The following DIS3L2 variants were observed in gnomAD, a reference collection of about 807,000 sequenced individuals.
DIS3L2 encodes DIS3-like exonuclease 2.
Under a neutral mutation model 97.5 loss-of-function variants are expected in DIS3L2, and 34 were observed. That is an observed-to-expected ratio of 0.35 (90% CI 0.27 to 0.46). The LOEUF (loss-of-function observed/expected upper bound fraction) is 0.46. Ranked by LOEUF, DIS3L2 falls within the 20% of genes least tolerant of loss-of-function variation. The pLI, the probability that DIS3L2 is intolerant of heterozygous loss-of-function variation, is 1.00. For missense variants in DIS3L2, 1,038 were observed against 1,146.0 expected, an observed-to-expected ratio of 0.91 and a Z score of 1.36; for synonymous variants, 435 against 445.2, an observed-to-expected ratio of 0.98 and a Z score of 0.29.
chr2:232,112,902 G>A (rs911493351), intron 6 of DIS3L2, among the ~76,000 whole-genome samples: 3 of 152,136 alleles, frequency 2.0e-5, no homozygotes, highest in Admixed American at 6.6e-5. Flanking sequence ...GAAAGAGGAT[G>A]AAGAATATTC....
At chr2:232,098,632 G>T (rs1697101435) in intron 6 of DIS3L2, among the ~76,000 whole-genome samples, 1 of 152,090 alleles carries the variant, frequency 6.6e-6, no homozygotes, top group Admixed American at 6.5e-5. Flanking sequence ...GGGATTACAG[G>T]TGTGAGTCAC....
intron 5 of DIS3L2, among the ~76,000 whole-genome samples, chr2:232,043,127 GGA>G (rs1206519057): frequency 6.6e-6 from 1 of 152,158 alleles, no homozygotes; most frequent in East Asian, 1.9e-4. Flanking sequence ...GTTATATTCT[GGA>G]ATGATGTGGT....
chr2:232,336,372 G>C (rs1443917111), intron 20 of DIS3L2, 97 bp from the exon 21 acceptor site: 2 of 1,549,222 alleles, frequency 1.3e-6, no homozygotes, highest in Non-Finnish European at 1.7e-6. Context: ...AGAGGCCGAA[G>C]GAGGGGCCAG....
intron 14 of DIS3L2, among the ~76,000 whole-genome samples, chr2:232,302,333 A>G (rs1694878479): frequency 6.6e-6 from 1 of 151,942 alleles, no homozygotes; most frequent in South Asian, 2.1e-4. Context: ...ACATGTATAC[A>G]TATGTAACAA....
At position 232,087,704 on chromosome 2, in the gene DIS3L2, T is replaced by C. The variant is rs1696706340; in HGVS notation, c.584T>C (p.Val195Ala). The C allele has an allele frequency of 1.9e-6, 3 of 1,613,932 alleles. No homozygotes were observed. The highest frequency in any genetic ancestry group is 2.5e-6 in the Non-Finnish European group (3 of 1,179,874). The change falls in exon 6 of 21, where the codon GTT becomes GCT. Residue 195 changes from valine (V) to alanine (A), a missense_variant. Coordinates refer to ENST00000325385, the MANE Select transcript of DIS3L2 (RefSeq NM_152383.5). ...GTTGATGGTGTTAAGAAACTCTCAG[T>C]TTGTGTTTCTGAGAAAGGTGAGTAC... is the stretch of plus-strand genomic sequence containing the variant. ...VLVDGVKKLS[V>A]CVSEKGREDG...
downstream of DIS3L2, among the ~76,000 whole-genome samples, chr2:232,340,201 C>T (rs963083107): frequency 6.6e-6 from 1 of 152,178 alleles, no homozygotes; most frequent in Non-Finnish European, 1.5e-5. Context: ...GAGGAGCAAA[C>T]AGCACTTTTG....
chr2:232,221,168 A>C (rs1026496660), intron 10 of DIS3L2, among the ~76,000 whole-genome samples: 5 of 152,062 alleles, frequency 3.3e-5, no homozygotes, highest in African/African-American at 1.2e-4. Context: ...GGGAGGTTAA[A>C]TTGGTATATG....
intron 13 of DIS3L2, chr2:232,343,174 G>C: frequency 1.5e-6 from 1 of 656,906 alleles, no homozygotes; most frequent in Non-Finnish European, 2.7e-6. Flanking sequence ...CTGTTGACTA[G>C]CTGCAGGCAA....
intron 5 of DIS3L2, among the ~76,000 whole-genome samples, chr2:232,065,915 A>T (rs1275181694): frequency 6.6e-6 from 1 of 151,478 alleles, no homozygotes; most frequent in Non-Finnish European, 1.5e-5. Flanking sequence ...CATGTTTTTG[A>T]TACTATGATA....
intron 8 of DIS3L2, among the ~76,000 whole-genome samples, chr2:232,142,689 T>A (rs1168924953): frequency 6.6e-6 from 1 of 152,200 alleles, no homozygotes; most frequent in Admixed American, 6.5e-5. Flanking sequence ...TCCCTATTCC[T>A]TAAGTGCTAC....
downstream of DIS3L2, chr2:232,337,219 C>T (rs77917783): frequency 1.7e-3 from 1,550 of 900,850 alleles, 22 homozygotes; most frequent in African/African-American, 0.048. Context: ...ATCACCCTGA[C>T]GAATGTGACT....
chr2:232,026,277 A>G (rs1455750562), intron 4 of DIS3L2, among the ~76,000 whole-genome samples: 1 of 152,122 alleles, frequency 6.6e-6, no homozygotes, highest in African/African-American at 2.4e-5. Context: ...AGGAATAGAC[A>G]AAGTCTATTC....
intron 13 of DIS3L2, among the ~76,000 whole-genome samples, chr2:232,272,445 A>G (rs1043330458): frequency 6.6e-6 from 1 of 152,152 alleles, no homozygotes; most frequent in Non-Finnish European, 1.5e-5. Flanking sequence ...ATTTGGTGGG[A>G]TGGGATTAGG....
At chr2:232,266,913 G>T (rs578171220) in intron 13 of DIS3L2, among the ~76,000 whole-genome samples, 1 of 152,166 alleles carries the variant, frequency 6.6e-6, no homozygotes, top group Non-Finnish European at 1.5e-5. Flanking sequence ...CAGAATAAGC[G>T]TGTAAACCAC....
intron 8 of DIS3L2, among the ~76,000 whole-genome samples, chr2:232,144,875 G>T (rs1196729305): frequency 6.6e-6 from 1 of 152,140 alleles, no homozygotes; most frequent in Non-Finnish European, 1.5e-5. Flanking sequence ...CTCATGATTA[G>T]ATCAAGATTA....
At chr2:232,291,335 T>G (rs934352832) in intron 13 of DIS3L2, among the ~76,000 whole-genome samples, 1 of 152,248 alleles carries the variant, frequency 6.6e-6, no homozygotes, top group South Asian at 2.1e-4. Context: ...CTAATCAGAT[T>G]TTTCTATTAA....
At chr2:232,286,370 G>A (rs115024752) in intron 13 of DIS3L2, among the ~76,000 whole-genome samples, 2,069 of 151,986 alleles carry the variant, frequency 0.014, 26 homozygotes, top group Middle Eastern at 0.024. Context: ...AGGCTTTGAA[G>A]CATTGTATCT....
chr2:232,336,202 T>C, intron 20 of DIS3L2: 2 of 1,534,476 alleles, frequency 1.3e-6, no homozygotes, highest in Non-Finnish European at 1.8e-6. Flanking sequence ...CTGGAACCGT[T>C]TTCACCAACA....
chr2:232,008,900 AT>A (rs796299180), intron 1 of DIS3L2, among the ~76,000 whole-genome samples: 5 of 152,252 alleles, frequency 3.3e-5, no homozygotes, highest in African/African-American at 1.2e-4. Context: ...TTAAAAGAAA[AT>A]TTCCTTGTTC....
Sources: allele counts gnomAD v4.1 joint callset (sites outside exome capture counted in the v4.1 genomes callset), GRCh38; gene constraint gnomAD v4.1.1; transcripts MANE v1.5; gene names NCBI Gene and HGNC (gene_info 2026-07-23, HGNC 2026-07-21).